Variants in PANK3 observed in about 807,000 individuals in gnomAD.
PANK3 encodes the protein hPanK3.
PANK3 carries 20 observed loss-of-function variants against 39.4 expected under a neutral mutation model. That is an observed-to-expected ratio of 0.51 (90% CI 0.36 to 0.74). The LOEUF is 0.74. Ranked by LOEUF, PANK3 falls within the 30% of genes least tolerant of loss-of-function variation. The pLI is 0.00. For missense variants in PANK3, 265 were observed against 437.0 expected (o/e 0.61, Z 3.51); for synonymous variants, 140 against 157.3 (o/e 0.89, Z 0.82).
rs180830132 is a variant in PANK3 at position 168,575,803 on chromosome 5, A to G, written c.28+3453T>C. On this transcript the variant is annotated intron_variant, in intron 1 of 6. Coordinates refer to ENST00000239231, the MANE Select transcript of PANK3 (RefSeq NM_024594.4). ...CGCGTCTCAAAAGAAAAAAAATAAA[A>G]AGAAATAGGGGAGGGGGGAGATACT... is the stretch of plus-strand genomic sequence containing the variant. 1.5e-3 allele frequency among the ~76,000 whole-genome samples: 227 copies of G among 151,452 alleles called. 2 individuals are homozygous for G. Among genetic ancestry groups the G allele is most frequent in the African/African-American group, 5.1e-3 (211 of 41,362 alleles).
chr5:168,550,195 C>T lies in PANK3; in HGVS notation c.*7376G>A, dbSNP rs1223310840. Reference sequence around the variant, plus strand: ...CAATACTCTTATTTGAGATATTAAACACTTCATTATAAAATAGGTTTTGTA... The same window carrying T: ...CAATACTCTTATTTGAGATATTAAATACTTCATTATAAAATAGGTTTTGTA... On this transcript the variant is annotated 3_prime_UTR_variant, in exon 7 of 7. Coordinates refer to ENST00000239231, the MANE Select transcript of PANK3 (RefSeq NM_024594.4). 6.6e-6 allele frequency: 1 copy of T among 152,174 alleles called. No homozygotes were observed. Among genetic ancestry groups the T allele is most frequent in the Non-Finnish European group, 1.5e-5 (1 of 68,040 alleles). 9.4% of individuals were successfully genotyped at this position (152,174 alleles called of 1,614,324 possible). A position where few individuals can be genotyped will look rare whatever the true frequency, so the allele number is the denominator to read the frequency against.
At chr5:168,558,411 G>A (rs1020199325) in intron 6 of PANK3, among the ~76,000 whole-genome samples, 1 of 151,942 alleles carries the variant, frequency 6.6e-6, no homozygotes, top group Non-Finnish European at 1.5e-5. Flanking sequence ...TGATCCGTCC[G>A]CCTTGGCCTC....
rs1759263143 is a variant in PANK3, at chr5:168,550,751, A to T, written c.*6820T>A. 1 of 152,158 alleles carries T rather than the reference A, an allele frequency of 6.6e-6. No individual in the cohort carries two copies. Among genetic ancestry groups the T allele is most frequent in the African/African-American group, 2.4e-5 (1 of 41,448 alleles). 9.4% of individuals were successfully genotyped at this position (152,158 alleles called of 1,614,324 possible). A position where few individuals can be genotyped will look rare whatever the true frequency, so the allele number is the denominator to read the frequency against. On this transcript the variant is annotated 3_prime_UTR_variant, in exon 7 of 7. Coordinates refer to ENST00000239231, the MANE Select transcript of PANK3 (RefSeq NM_024594.4). Reference sequence around the variant, plus strand: ...ACCTGAAAAAAAATTTACTTTAGTTATCTCAAACACAGCCATGAATGAAGC... The same window carrying T: ...ACCTGAAAAAAAATTTACTTTAGTTTTCTCAAACACAGCCATGAATGAAGC...
chr5:168,567,662 G>A (rs1053135975), intron 2 of PANK3, among the ~76,000 whole-genome samples: 1 of 152,116 alleles, frequency 6.6e-6, no homozygotes, highest in Non-Finnish European at 1.5e-5. Flanking sequence ...TGTCACCCAT[G>A]CTGGAGTGCA....
rs1461948413 is a variant in PANK3, at chr5:168,554,762, G to C, written c.*2809C>G. On this transcript the variant is annotated 3_prime_UTR_variant, in exon 7 of 7. Transcript: ENST00000239231. ...AGTTTCTGATTTGTATATCTGTACA[G>C]ATAAGAATCTTAATTGAATGACAGT... The C allele has an allele frequency of 6.6e-6, 1 of 152,192 alleles. No homozygotes were observed. The highest frequency in any genetic ancestry group is 2.4e-5 in the African/African-American group (1 of 41,444). 9.4% of individuals were successfully genotyped at this position (152,192 alleles called of 1,614,324 possible).
At chr5:168,574,089 CCA>C (rs1352067467) in intron 1 of PANK3, among the ~76,000 whole-genome samples, 1 of 150,500 alleles carries the variant, frequency 6.6e-6, no homozygotes, top group East Asian at 1.9e-4. Context: ...TGAGGAATCG[CCA>C]CACTGACTTC....
chr5:168,549,486 T>C lies in PANK3; in HGVS notation c.*8085A>G, dbSNP rs990137590. 7.9e-5 allele frequency: 12 copies of C among 152,194 alleles called. No homozygotes were observed. Among genetic ancestry groups the C allele is most frequent in the Admixed American group, 7.9e-4 (12 of 15,280 alleles). The allele number at this position is 152,194 out of a possible 1,614,324, so 9.4% of individuals were successfully genotyped here. On this transcript the variant is annotated 3_prime_UTR_variant, in exon 7 of 7. Coordinates refer to ENST00000239231, the MANE Select transcript of PANK3 (RefSeq NM_024594.4). ...TTGGAACTGTAAGCACTGCAACGTATGAAAGAAACATATTTAGCAATAAAA... is the reference window on the plus strand; with the variant it reads ...TTGGAACTGTAAGCACTGCAACGTACGAAAGAAACATATTTAGCAATAAAA...
intron 1 of PANK3, among the ~76,000 whole-genome samples, chr5:168,574,442 A>G (rs1759699240): frequency 6.6e-6 from 1 of 152,172 alleles, no homozygotes; most frequent in Non-Finnish European, 1.5e-5. Context: ...TGATTGATAT[A>G]TGTCACCAAA....
chr5:168,562,750 T>C (rs1221150558), intron 4 of PANK3, among the ~76,000 whole-genome samples: 1 of 152,200 alleles, frequency 6.6e-6, no homozygotes, highest in African/African-American at 2.4e-5. Flanking sequence ...ACTATAAAGA[T>C]ATCATTTGTC....
At position 168,557,303 on chromosome 5, in the gene PANK3, T is replaced by A; in HGVS notation, c.*268A>T. On this transcript the variant is annotated 3_prime_UTR_variant, in exon 7 of 7. Coordinates refer to ENST00000239231, the MANE Select transcript of PANK3 (RefSeq NM_024594.4). Reference sequence around the variant, plus strand: ...ATACAGTACTGCAATGTTGGCTACATAAAATAAAAAAATCTTTTTAAGAGG... The same window carrying A: ...ATACAGTACTGCAATGTTGGCTACAAAAAATAAAAAAATCTTTTTAAGAGG... The A allele has an allele frequency of 2.9e-6, 1 of 342,040 alleles. No homozygotes were observed. Among genetic ancestry groups the A allele is most frequent in the South Asian group, 3.4e-5 (1 of 29,050 alleles). The allele number at this position is 342,040 out of a possible 1,614,324, so 21.2% of individuals were successfully genotyped here. A position where few individuals can be genotyped will look rare whatever the true frequency, so the allele number is the denominator to read the frequency against.
Position 168,550,543 on chromosome 5 carries a change from A to G in PANK3, c.*7028T>C, listed in dbSNP as rs1759261090. The stretch of plus-strand genomic sequence containing the variant: ...TTTTAATATACATATAAAACCTTTC[A>G]TATTACTTTAAGGTATATCTACCTG... On this transcript the variant is annotated 3_prime_UTR_variant, in exon 7 of 7. Transcript: ENST00000239231. 6.6e-6 allele frequency: 1 copy of G among 152,220 alleles called. No homozygotes were observed. The highest frequency in any genetic ancestry group is 2.4e-5 in the African/African-American group (1 of 41,460). 9.4% of individuals were successfully genotyped at this position (152,220 alleles called of 1,614,324 possible).
intron 5 of PANK3, 27 bp downstream of exon 5, chr5:168,561,366 C>A: frequency 6.4e-7 from 1 of 1,551,474 alleles, no homozygotes; most frequent in Non-Finnish European, 8.7e-7. Context: ...TTTGATAATT[C>A]AAGTTTTGTG....
At chr5:168,575,695 A>G (rs1314174024) in intron 1 of PANK3, among the ~76,000 whole-genome samples, 1 of 151,778 alleles carries the variant, frequency 6.6e-6, no homozygotes, top group Admixed American at 6.6e-5. Flanking sequence ...CTGAGGGGGG[A>G]GGATTGCTTG....
In PANK3 at chr5:168,551,155, T is replaced by C. The variant is rs1759267660; in HGVS notation, c.*6416A>G. On this transcript the variant is annotated 3_prime_UTR_variant, in exon 7 of 7. Coordinates refer to ENST00000239231, the MANE Select transcript of PANK3 (RefSeq NM_024594.4). ...CTCAGTAGAAACCAGAAGACAATTA[T>C]TCTCTTAAATATTGAAAAGAGGCAG... is the stretch of plus-strand genomic sequence containing the variant. 1 of 152,152 alleles carries C rather than the reference T, an allele frequency of 6.6e-6. No homozygotes were observed. The highest frequency in any genetic ancestry group is 2.4e-5 in the African/African-American group (1 of 41,450). The allele number at this position is 152,152 out of a possible 1,614,324, so 9.4% of individuals were successfully genotyped here. A position where few individuals can be genotyped will look rare whatever the true frequency, so the allele number is the denominator to read the frequency against.
At chr5:168,561,319 A>G in intron 5 of PANK3, 74 bp downstream of exon 5, 1 of 1,336,076 alleles carries the variant, frequency 7.5e-7, no homozygotes, top group Non-Finnish European at 9.9e-7. Context: ...AAAGTGAAGA[A>G]GCCCTGCTAG....
intron 1 of PANK3, among the ~76,000 whole-genome samples, chr5:168,569,345 T>C (rs1386558055): frequency 6.6e-6 from 1 of 150,580 alleles, no homozygotes; most frequent in Non-Finnish European, 1.5e-5. Context: ...CCACCACGCC[T>C]GCCTAATTTT....
At chr5:168,569,631 G>A (rs1341977901) in intron 1 of PANK3, among the ~76,000 whole-genome samples, 1 of 152,078 alleles carries the variant, frequency 6.6e-6, no homozygotes, top group Non-Finnish European at 1.5e-5. Context: ...AAAAAATTCA[G>A]ATCATTCTTT....
intron 6 of PANK3, among the ~76,000 whole-genome samples, chr5:168,558,003 A>G (rs866607482): frequency 2.0e-5 from 3 of 152,106 alleles, no homozygotes; most frequent in Non-Finnish European, 2.9e-5. Flanking sequence ...GGACTGTAAC[A>G]GCAATTCTGC....
intron 1 of PANK3, among the ~76,000 whole-genome samples, chr5:168,575,383 A>G (rs567336231): frequency 6.6e-6 from 1 of 152,364 alleles, no homozygotes; most frequent in East Asian, 1.9e-4. Context: ...TCTAGCCACA[A>G]GAGCAGACTG....
Sources: allele counts gnomAD v4.1 joint callset (sites outside exome capture counted in the v4.1 genomes callset), GRCh38; gene constraint gnomAD v4.1.1; transcripts MANE v1.5; gene names NCBI Gene and HGNC (gene_info 2026-07-23, HGNC 2026-07-21).